Variants in SLC13A3 observed in about 807,000 individuals in gnomAD.
SLC13A3 encodes the protein Na(+)/dicarboxylate cotransporter 3.
SLC13A3 carries 40 observed loss-of-function variants against 59.0 expected under a neutral mutation model. The ratio of observed to expected loss-of-function variants is 0.68; its 90% CI spans 0.53 to 0.88. The LOEUF (loss-of-function observed/expected upper bound fraction) is 0.88. SLC13A3 is among the 40% of genes least tolerant of loss of function. The pLI is 0.00. For synonymous variants in SLC13A3, 317 were observed against 330.3 expected (o/e 0.96, Z 0.44); for missense variants, 699 against 783.2 (o/e 0.89, Z 1.28).
chr20:46,582,987 CA>C (rs1411745732), intron 9 of SLC13A3: 1 of 985,510 alleles, frequency 1.0e-6, no homozygotes, highest in African/African-American at 1.7e-5. Context: ...CCTCAGTCCC[CA>C]ACACTTCCTA....
rs1236200608 is a variant in SLC13A3 at position 46,610,495 on chromosome 20, G to T, written c.492C>A (p.Gly164=). The change falls in exon 3 of 13, where the codon GGC becomes GGA. Residue 164 remains glycine, a synonymous_variant. Coordinates refer to ENST00000279027, the MANE Select transcript of SLC13A3 (RefSeq NM_022829.6). ...IANAILKSLF[G]QKEVRKDPSQ... ...TGGGGTCCTTTCGAACCTCCTTCTG[G>T]CCAAAGAGACTTTTCAGGATGGCAT... The T allele has an allele frequency of 6.2e-7, 1 of 1,613,992 alleles. No individual in the cohort carries two copies. The highest frequency in any genetic ancestry group is 1.1e-5 in the South Asian group (1 of 91,066).
At chr20:46,673,833 T>C (rs1387317238), upstream of SLC13A3, 3 of 152,230 alleles carry the variant, frequency 2.0e-5, no homozygotes, top group East Asian at 5.8e-4. Flanking sequence ...CTCTACATCA[T>C]TGGGTCTTAC....
At chr20:46,594,061 A>G (rs1262771877) in intron 5 of SLC13A3, among the ~76,000 whole-genome samples, 2 of 152,046 alleles carry the variant, frequency 1.3e-5, no homozygotes, top group African/African-American at 4.8e-5. Context: ...TCCTGTTCTC[A>G]GCTGGAGAAT....
At chr20:46,629,950 C>T (rs892270344) in intron 1 of SLC13A3, among the ~76,000 whole-genome samples, 2 of 152,080 alleles carry the variant, frequency 1.3e-5, no homozygotes, top group African/African-American at 4.8e-5. Flanking sequence ...CTCTTTTTGG[C>T]AGATCTCATG....
At chr20:46,668,866 T>C (rs1309125636) in intron 1 of SLC13A3, among the ~76,000 whole-genome samples, 1 of 152,232 alleles carries the variant, frequency 6.6e-6, no homozygotes, top group Non-Finnish European at 1.5e-5. Context: ...TAGATGACAG[T>C]ACATCTGTTT....
chr20:46,598,803 C>A (rs2694882), intron 4 of SLC13A3, among the ~76,000 whole-genome samples: 2,157 of 152,186 alleles, frequency 0.014, 26 homozygotes, highest in Middle Eastern at 0.027. Flanking sequence ...CTCTCTCCCC[C>A]CCGAAGCCAA....
At chr20:46,568,042 T>G (rs1400287540) in intron 10 of SLC13A3, among the ~76,000 whole-genome samples, 1 of 152,172 alleles carries the variant, frequency 6.6e-6, no homozygotes. Flanking sequence ...ATATTTTTAC[T>G]TTTAATAGAA....
chr20:46,677,775 G>A lies in SLC13A3; in HGVS notation c.-31+6621C>T, dbSNP rs201810827. 3.9e-5 allele frequency among the ~76,000 whole-genome samples: 6 copies of A among 152,292 alleles called. No individual in the cohort carries two copies. The East Asian group carries it at 1.2e-3, about 29-fold the overall frequency. ...GTAAGAAGAACAACGGGACCAGCGT[G>A]ATGACAAACAGTGACTCAGAGCCAA... is the stretch of plus-strand genomic sequence containing the variant. On this transcript the variant is annotated intron_variant, in intron 1 of 6. Transcript: ENST00000372121.
In SLC13A3 at chr20:46,614,837, C is replaced by A. The variant is rs375873766; in HGVS notation, c.112-1112G>T. Among the ~76,000 whole-genome samples, 5 of 152,244 alleles carry A rather than the reference C, an allele frequency of 3.3e-5. No individual in the cohort carries two copies. In the East Asian group the frequency reaches 5.8e-4, roughly 18 times the overall value. ...CTGCTGTTCTCAGCTAAATATTAGA[C>A]CCAATGAAAGGCAGACAAAGTAATT... is the stretch of plus-strand genomic sequence containing the variant. On this transcript the variant is annotated intron_variant, in intron 1 of 12. Coordinates refer to ENST00000279027, the MANE Select transcript of SLC13A3 (RefSeq NM_022829.6).
At chr20:46,677,110 C>T (rs1253869135) in intron 1 of SLC13A3, among the ~76,000 whole-genome samples, 1 of 152,168 alleles carries the variant, frequency 6.6e-6, no homozygotes, top group Non-Finnish European at 1.5e-5. Flanking sequence ...GACAGGGTTT[C>T]GCCATGTTGG....
At chr20:46,620,158 T>A (rs2062600421) in intron 1 of SLC13A3, among the ~76,000 whole-genome samples, 1 of 152,234 alleles carries the variant, frequency 6.6e-6, no homozygotes, top group African/African-American at 2.4e-5. Flanking sequence ...TTATTGAATG[T>A]TACTATGTGC....
At chr20:46,648,425 C>A (rs559904766) in intron 1 of SLC13A3, among the ~76,000 whole-genome samples, 5 of 152,010 alleles carry the variant, frequency 3.3e-5, no homozygotes, top group Non-Finnish European at 7.4e-5. Flanking sequence ...TCAGGTATGC[C>A]AACAGAGATT....
At chr20:46,616,860 C>A (rs560157896) in intron 1 of SLC13A3, among the ~76,000 whole-genome samples, 1 of 152,280 alleles carries the variant, frequency 6.6e-6, no homozygotes, top group Non-Finnish European at 1.5e-5. Context: ...TGGGAACAAT[C>A]GGTTTCCACA....
intron 5 of SLC13A3, among the ~76,000 whole-genome samples, chr20:46,595,838 G>A (rs578166734): frequency 2.5e-4 from 38 of 152,140 alleles, no homozygotes; most frequent in South Asian, 8.3e-4. Context: ...CCATCAGAGA[G>A]AACGGGTGTC....
chr20:46,585,212 CT>C (rs1369250096), intron 8 of SLC13A3: 2 of 979,842 alleles, frequency 2.0e-6, no homozygotes, highest in Non-Finnish European at 2.4e-6. Flanking sequence ...ATTTTACAGT[CT>C]TTTGTTATAT....
At chr20:46,655,102 C>CT (rs1196278501), upstream of SLC13A3, among the ~76,000 whole-genome samples, 3 of 151,410 alleles carry the variant, frequency 2.0e-5, no homozygotes, top group African/African-American at 2.4e-5. Flanking sequence ...TCCAAGATTT[C>CT]TTTTTTTTGT....
At chr20:46,563,626 G>GAGAGAT in intron 11 of SLC13A3, 75 bp from the exon 12 acceptor site, 1 of 1,490,308 alleles carries the variant, frequency 6.7e-7, no homozygotes, top group Non-Finnish European at 9.1e-7. Flanking sequence ...GAGAGAGAGA[G>GAGAGAT]AGAGAGGCAG....
At chr20:46,671,354 C>T (rs1568965821), upstream of SLC13A3, among the ~76,000 whole-genome samples, 1 of 152,178 alleles carries the variant, frequency 6.6e-6, no homozygotes, top group Admixed American at 6.5e-5. Flanking sequence ...CATCTCCCTT[C>T]ACCCTATATT....
chr20:46,592,619 G>A lies in SLC13A3; in HGVS notation c.795-90C>T, dbSNP rs551844200. Reference sequence around the variant, plus strand: ...GGGACCAGGCAGTACTAGTAGCAGCGGGGAGGAGGAATGAGAGGGTCCCAT... The same window carrying A: ...GGGACCAGGCAGTACTAGTAGCAGCAGGGAGGAGGAATGAGAGGGTCCCAT... On this transcript the variant is annotated intron_variant, in intron 5 of 12. Transcript: ENST00000279027. The A allele has an allele frequency of 4.2e-4, 570 of 1,348,856 alleles. 1 individual carries two copies. Among genetic ancestry groups the A allele is most frequent in the Non-Finnish European group, 5.6e-4 (532 of 958,116 alleles). The allele number at this position is 1,348,856 out of a possible 1,614,324, so 83.6% of individuals were successfully genotyped here. A position where few individuals can be genotyped will look rare whatever the true frequency, so the allele number is the denominator to read the frequency against.
Sources: gnomAD v4.1 joint callset for allele counts (sites outside exome capture counted in the v4.1 genomes callset) on GRCh38, gnomAD v4.1.1 for gene constraint, MANE v1.5 for transcripts, NCBI Gene and HGNC (gene_info 2026-07-23, HGNC 2026-07-21) for gene names.